The following GLI3 variants were observed in gnomAD, a reference collection of about 807,000 sequenced individuals.
GLI3 encodes GLI family zinc finger 3.
A neutral mutation model predicts 100.8 loss-of-function variants in GLI3; 20 were observed. The ratio of observed to expected loss-of-function variants is 0.20; its 90% CI spans 0.14 to 0.29. GLI3 has a LOEUF of 0.29. Among genes scored for constraint, GLI3 ranks in the 10% least tolerant of loss-of-function variants. The pLI, the probability that GLI3 is intolerant of heterozygous loss-of-function variation, is 1.00. For synonymous variants in GLI3, 938 were observed against 860.5 expected (o/e 1.09, Z -1.58); for missense variants, 2,040 against 2,128.5 (o/e 0.96, Z 0.82).
chr7:42,143,515 T>C (rs1562755364), intron 3 of GLI3, among the ~76,000 whole-genome samples: 1 of 152,224 alleles, frequency 6.6e-6, no homozygotes, highest in South Asian at 2.1e-4. Context: ...ACTCAGAAGA[T>C]GTATTTCTAA....
At chr7:42,230,348 T>G (rs963240736) in intron 1 of GLI3, among the ~76,000 whole-genome samples, 2 of 152,200 alleles carry the variant, frequency 1.3e-5, no homozygotes, top group Non-Finnish European at 2.9e-5. Flanking sequence ...CTGATGCTCC[T>G]AATCACAGAT....
intron 3 of GLI3, among the ~76,000 whole-genome samples, chr7:42,094,600 G>T (rs1442023646): frequency 6.6e-6 from 1 of 152,102 alleles, no homozygotes; most frequent in Non-Finnish European, 1.5e-5. Flanking sequence ...AGGGCATGGT[G>T]GTGGGCACCT....
chr7:42,164,021 C>G (rs146468325), intron 2 of GLI3, among the ~76,000 whole-genome samples: 2 of 151,006 alleles, frequency 1.3e-5, no homozygotes, highest in African/African-American at 4.9e-5. Flanking sequence ...TTTTTTTTTC[C>G]TTTTGTAATG....
At chr7:42,202,346 TCACACACACACA>T (rs59941465) in intron 2 of GLI3, among the ~76,000 whole-genome samples, 5 of 115,246 alleles carry the variant, frequency 4.3e-5, no homozygotes, top group South Asian at 3.2e-4. Flanking sequence ...TCTCTCTCTC[TCACACACACACA>T]CACACACACA....
chr7:42,107,700 G>C (rs1785608589), intron 3 of GLI3, among the ~76,000 whole-genome samples: 1 of 152,210 alleles, frequency 6.6e-6, no homozygotes, highest in South Asian at 2.1e-4. Context: ...GGGAGGAACA[G>C]TGACAAGGCC....
At chr7:42,172,843 C>T (rs990353850) in intron 2 of GLI3, among the ~76,000 whole-genome samples, 1 of 152,234 alleles carries the variant, frequency 6.6e-6, no homozygotes, top group African/African-American at 2.4e-5. Flanking sequence ...TAATATCACT[C>T]TCACAGCAAC....
At chr7:42,042,409 G>C (rs551734079) in intron 6 of GLI3, among the ~76,000 whole-genome samples, 1 of 152,222 alleles carries the variant, frequency 6.6e-6, no homozygotes, top group East Asian at 1.9e-4. Flanking sequence ...ACCATGAGAG[G>C]CTAATTTCAT....
chr7:42,083,385 C>G (rs1412772521), intron 3 of GLI3, among the ~76,000 whole-genome samples: 1 of 152,270 alleles, frequency 6.6e-6, no homozygotes, highest in East Asian at 1.9e-4. Context: ...TTCTTTACAT[C>G]TGAATAGTAC....
At chr7:42,002,798 C>T (rs1309513089) in intron 10 of GLI3, among the ~76,000 whole-genome samples, 4 of 152,174 alleles carry the variant, frequency 2.6e-5, no homozygotes, top group African/African-American at 9.7e-5. Context: ...TTGGCTCTCC[C>T]ACTTACTGGC....
At chr7:42,069,531 G>C (rs1398629150) in intron 4 of GLI3, among the ~76,000 whole-genome samples, 1 of 152,080 alleles carries the variant, frequency 6.6e-6, no homozygotes, top group Non-Finnish European at 1.5e-5. Flanking sequence ...CAAATAATAA[G>C]ACATTTATTT....
At chr7:42,064,324 T>G (rs1369067395) in intron 4 of GLI3, among the ~76,000 whole-genome samples, 1 of 152,188 alleles carries the variant, frequency 6.6e-6, no homozygotes, top group Admixed American at 6.5e-5. Context: ...CATGAAATGT[T>G]AAGAACTAGA....
chr7:42,138,678 C>T (rs1415447913), intron 3 of GLI3, among the ~76,000 whole-genome samples: 1 of 152,178 alleles, frequency 6.6e-6, no homozygotes, highest in Non-Finnish European at 1.5e-5. Flanking sequence ...TCCACGAAAG[C>T]AAACCAGAAG....
chr7:42,059,546 T>C (rs947669619), intron 4 of GLI3, among the ~76,000 whole-genome samples: 1 of 152,114 alleles, frequency 6.6e-6, no homozygotes, highest in South Asian at 2.1e-4. Context: ...AGAACTAATA[T>C]GCTATGTCCA....
intron 2 of GLI3, among the ~76,000 whole-genome samples, chr7:42,176,788 C>T (rs1012269259): frequency 1.3e-5 from 2 of 152,228 alleles, no homozygotes; most frequent in African/African-American, 4.8e-5. Flanking sequence ...GCCCAGCCCT[C>T]CTCAGTGCAG....
In GLI3 at chr7:41,972,357, C is replaced by A. The variant is rs199606102; in HGVS notation, c.2083G>T (p.Val695Phe). ...KREECLQVKT[V>F]KAEKPMTSQP... ...CATACCATTGGCTTCTCTGCCTTGA[C>A]GGTTTTCACCTGGAGGCATTCTTCC... The change falls in exon 13 of 15, where the codon GTC (valine) becomes TTC (phenylalanine). Residue 695 changes from valine (V) to phenylalanine (F), a missense_variant. By Grantham distance (50) the Val-to-Phe change is conservative (BLOSUM62 -1). Around this residue, in one of 5 missense-constraint regions of GLI3, gnomAD observed 327 missense variants for 338.7 expected, o/e 0.97. Coordinates refer to ENST00000395925, the MANE Select transcript of GLI3 (RefSeq NM_000168.6). The surrounding 1 kb of genome is among the most constrained non-coding windows in gnomAD (Gnocchi z 4.4). 2.5e-5 allele frequency: 41 copies of A among 1,613,892 alleles called. No homozygotes were observed. Among genetic ancestry groups the A allele is most frequent in the African/African-American group, 4.0e-5 (3 of 74,896 alleles).
intron 3 of GLI3, among the ~76,000 whole-genome samples, chr7:42,102,195 A>G (rs949722332): frequency 2.0e-5 from 3 of 152,138 alleles, no homozygotes; most frequent in Non-Finnish European, 4.4e-5. Flanking sequence ...CTTTGGGTAT[A>G]TACCCAGTAA....
intron 3 of GLI3, among the ~76,000 whole-genome samples, chr7:42,088,947 C>T (rs1170773025): frequency 1.3e-5 from 2 of 152,218 alleles, no homozygotes; most frequent in Non-Finnish European, 1.5e-5. Flanking sequence ...TCAGCAGCTG[C>T]TTACCTTGTC....
intron 4 of GLI3, among the ~76,000 whole-genome samples, chr7:42,074,075 C>A (rs1050755467): frequency 2.6e-5 from 4 of 152,186 alleles, no homozygotes; most frequent in African/African-American, 9.7e-5. Flanking sequence ...CATAACTGAG[C>A]AAGGGCAGAA....
rs1043482635 is a variant in GLI3, at chr7:42,237,037, G to A, written c.-109C>T. ...ACCCGCGGACGGGGCGCAGGCTGGC[G>A]GCTCCCCGCTCCGCGCGGCCGCGGG... On this transcript the variant is annotated 5_prime_UTR_variant, in exon 1 of 15. Transcript: ENST00000395925. The A allele has an allele frequency of 3.3e-5, 5 of 150,052 alleles. No homozygotes were observed. The highest frequency in any genetic ancestry group is 1.2e-4 in the African/African-American group (5 of 41,264). 9.3% of individuals were successfully genotyped at this position (150,052 alleles called of 1,614,324 possible).
Sources: allele counts gnomAD v4.1 joint callset (sites outside exome capture counted in the v4.1 genomes callset), GRCh38; gene constraint gnomAD v4.1.1; regional missense constraint gnomAD v4.1.1; non-coding constraint Gnocchi (gnomAD v3.1); transcripts MANE v1.5; gene names NCBI Gene and HGNC (gene_info 2026-07-23, HGNC 2026-07-21).